PTPRD: variants seen among roughly 807,000 people sequenced by gnomAD.
PTPRD encodes the protein receptor-type tyrosine-protein phosphatase delta.
A neutral mutation model predicts 214.5 loss-of-function variants in PTPRD; 34 were observed. That is an observed-to-expected ratio of 0.16 (90% confidence interval 0.12 to 0.21). The LOEUF is 0.21. Ranked by LOEUF, PTPRD falls within the 10% of genes least tolerant of loss-of-function variation. PTPRD has a pLI of 1.00. For missense variants in PTPRD, 2,545 were observed against 2,398.7 expected (o/e 1.06, Z -1.27); for synonymous variants, 1,128 against 845.7 (o/e 1.33, Z -5.79).
At chr9:8,752,646 A>C (rs1413388415) in intron 11 of PTPRD, among the ~76,000 whole-genome samples, 1 of 152,164 alleles carries the variant, frequency 6.6e-6, no homozygotes, top group African/African-American at 2.4e-5. Context: ...ACCACCACAC[A>C]AACGAGCCCA....
intron 9 of PTPRD, among the ~76,000 whole-genome samples, chr9:9,334,770 A>C (rs1332019171): frequency 6.6e-6 from 1 of 151,944 alleles, no homozygotes; most frequent in Non-Finnish European, 1.5e-5. Flanking sequence ...CATCATCATC[A>C]TCCTCATCCC....
chr9:8,892,581 GTGTA>G (rs2098549431), intron 11 of PTPRD, among the ~76,000 whole-genome samples: 2 of 149,346 alleles, frequency 1.3e-5, no homozygotes, highest in Non-Finnish European at 1.5e-5. Flanking sequence ...ATATATATGT[GTGTA>G]TATATATGTG....
At chr9:9,383,915 C>G (rs139023427) in intron 9 of PTPRD, among the ~76,000 whole-genome samples, 86 of 152,084 alleles carry the variant, frequency 5.7e-4, no homozygotes, top group Admixed American at 1.3e-3. Context: ...GTTTTTGCAA[C>G]AGTAATTCAA....
chr9:9,073,072 C>G (rs147193469), intron 10 of PTPRD, among the ~76,000 whole-genome samples: 1 of 152,020 alleles, frequency 6.6e-6, no homozygotes, highest in Non-Finnish European at 1.5e-5. Flanking sequence ...TGGAAGAAAT[C>G]AGTGGAGAAA....
At chr9:8,780,242 G>A (rs757880539) in intron 11 of PTPRD, among the ~76,000 whole-genome samples, 1 of 152,118 alleles carries the variant, frequency 6.6e-6, no homozygotes, top group Non-Finnish European at 1.5e-5. Flanking sequence ...CCACCGCACA[G>A]GATTAGGCCA....
intron 3 of PTPRD, among the ~76,000 whole-genome samples, chr9:10,121,840 G>T (rs1366202918): frequency 6.6e-6 from 1 of 152,102 alleles, no homozygotes; most frequent in Non-Finnish European, 1.5e-5. Flanking sequence ...TGAGGATTGA[G>T]GGTGAAGTGT....
intron 4 of PTPRD, among the ~76,000 whole-genome samples, chr9:10,010,605 A>G (rs553984883): frequency 1.3e-5 from 2 of 151,732 alleles, no homozygotes; most frequent in African/African-American, 4.8e-5. Flanking sequence ...TGTATACTCA[A>G]CTCAGTTAAT....
intron 3 of PTPRD, among the ~76,000 whole-genome samples, chr9:10,090,059 C>T (rs1439052747): frequency 6.6e-6 from 1 of 151,648 alleles, no homozygotes; most frequent in East Asian, 1.9e-4. Flanking sequence ...TGCTTGATTG[C>T]TTTATCTGGG....
intron 7 of PTPRD, among the ~76,000 whole-genome samples, chr9:9,714,255 G>C (rs1255037629): frequency 1.3e-5 from 2 of 152,076 alleles, no homozygotes; most frequent in Non-Finnish European, 2.9e-5. Flanking sequence ...CTGTTTTTCA[G>C]AGAAGGGTCA....
intron 39 of PTPRD, among the ~76,000 whole-genome samples, chr9:8,374,974 G>C (rs2134703252): frequency 6.6e-6 from 1 of 151,974 alleles, no homozygotes; most frequent in East Asian, 1.9e-4. Context: ...GGGTATGAAA[G>C]AGAGTGATGG....
chr9:8,477,980 A>G (rs12341185), intron 30 of PTPRD, among the ~76,000 whole-genome samples: 55,487 of 152,040 alleles, frequency 0.36, 10,301 homozygotes, highest in African/African-American at 0.45. Context: ...GCTATAAAAT[A>G]AGGAGCACCA....
At chr9:10,520,820 C>T (rs1172768483) in intron 2 of PTPRD, among the ~76,000 whole-genome samples, 2 of 152,006 alleles carry the variant, frequency 1.3e-5, no homozygotes, top group Admixed American at 6.6e-5. Context: ...GATGACAGCA[C>T]ATCTGTTTAC....
intron 2 of PTPRD, among the ~76,000 whole-genome samples, chr9:10,452,097 A>G (rs1435320543): frequency 6.6e-6 from 1 of 151,986 alleles, no homozygotes; most frequent in Non-Finnish European, 1.5e-5. Context: ...CAAGTTCAAG[A>G]GCAATTCCAA....
At chr9:8,757,248 T>G (rs1249757292) in intron 11 of PTPRD, among the ~76,000 whole-genome samples, 1 of 152,156 alleles carries the variant, frequency 6.6e-6, no homozygotes, top group Non-Finnish European at 1.5e-5. Flanking sequence ...GGACAATGCC[T>G]CTAATAAATT....
At chr9:9,480,070 T>A (rs754210225) in intron 8 of PTPRD, among the ~76,000 whole-genome samples, 1 of 152,172 alleles carries the variant, frequency 6.6e-6, no homozygotes, top group Non-Finnish European at 1.5e-5. Context: ...CACAGAATGT[T>A]GCTATCAAAA....
chr9:10,326,269 A>G (rs1171668256), intron 3 of PTPRD, among the ~76,000 whole-genome samples: 1 of 151,728 alleles, frequency 6.6e-6, no homozygotes, highest in Non-Finnish European at 1.5e-5. Flanking sequence ...AATGTCCAAA[A>G]AAGAGTTCCT....
intron 11 of PTPRD, among the ~76,000 whole-genome samples, chr9:8,968,457 T>C (rs1645684606): frequency 1.3e-5 from 2 of 151,904 alleles, no homozygotes; most frequent in African/African-American, 4.8e-5. Context: ...CTAACTGGTG[T>C]GAGATGGTAT....
At chr9:8,609,059 C>T (rs959701334) in intron 14 of PTPRD, among the ~76,000 whole-genome samples, 2 of 152,146 alleles carry the variant, frequency 1.3e-5, no homozygotes, top group East Asian at 3.9e-4. Context: ...GCACAACCAT[C>T]AACAAAAACA....
intron 11 of PTPRD, among the ~76,000 whole-genome samples, chr9:8,929,795 G>A (rs1169830575): frequency 2.7e-5 from 3 of 112,670 alleles, no homozygotes; most frequent in African/African-American, 1.1e-4. Flanking sequence ...GTATATATGT[G>A]TGTGTATATA....
Sources: gnomAD v4.1 joint callset for allele counts (sites outside exome capture counted in the v4.1 genomes callset) on GRCh38, gnomAD v4.1.1 for gene constraint, MANE v1.5 for transcripts, NCBI Gene and HGNC (gene_info 2026-07-23, HGNC 2026-07-21) for gene names.